Variants in CEP72 observed in about 807,000 individuals in gnomAD.
CEP72 encodes the protein centrosomal protein 72.
CEP72 carries 78 observed loss-of-function variants against 65.7 expected under a neutral mutation model. The observed-to-expected ratio is 1.19, with a 90% CI of 0.99 to 1.43. The LOEUF (loss-of-function observed/expected upper bound fraction) is 1.43. CEP72 is among the 40% of genes most tolerant of loss of function. The probability of loss-of-function intolerance (pLI) is 0.00; values close to 1 mark genes in which losing one functional copy is unlikely to be tolerated. For missense variants in CEP72, 914 were observed against 832.9 expected (o/e 1.10, Z -1.20); for synonymous variants, 358 against 351.7 (o/e 1.02, Z -0.20).
intron 9 of CEP72, chr5:644,090 T>A: frequency 1.8e-6 from 1 of 551,416 alleles, no homozygotes; most frequent in South Asian, 2.1e-5. Flanking sequence ...CTCTCCTCAC[T>A]TCCCCCCTCC....
intron 1 of CEP72, among the ~76,000 whole-genome samples, chr5:618,589 C>T (rs920771724): frequency 6.6e-6 from 1 of 151,896 alleles, no homozygotes; most frequent in Non-Finnish European, 1.5e-5. Context: ...AGCTCAACTC[C>T]AAGTACAGCA....
At chr5:612,818 G>A (rs1360305604) in intron 1 of CEP72, among the ~76,000 whole-genome samples, 1 of 152,248 alleles carries the variant, frequency 6.6e-6, no homozygotes, top group East Asian at 1.9e-4. Context: ...TGATTGTTGC[G>A]CTCGGCCTTC....
intron 1 of CEP72, among the ~76,000 whole-genome samples, chr5:614,613 G>A (rs961502620): frequency 3.3e-5 from 5 of 151,650 alleles, no homozygotes; most frequent in African/African-American, 1.2e-4. Flanking sequence ...CGCCCACCTC[G>A]GCCTCCCAAA....
chr5:671,993 C>A (rs1740239627), downstream of CEP72, among the ~76,000 whole-genome samples: 1 of 152,222 alleles, frequency 6.6e-6, no homozygotes, highest in Non-Finnish European at 1.5e-5. Flanking sequence ...GATGGACAGA[C>A]AGGAGGACGT....
At chr5:669,834 C>T (rs1179436298), downstream of CEP72, among the ~76,000 whole-genome samples, 1 of 152,236 alleles carries the variant, frequency 6.6e-6, no homozygotes, top group Admixed American at 6.5e-5. Flanking sequence ...CTCAGGAGTT[C>T]TAGGACAGCG....
At chr5:615,502 G>A (rs779939655) in intron 1 of CEP72, among the ~76,000 whole-genome samples, 2 of 151,974 alleles carry the variant, frequency 1.3e-5, no homozygotes, top group African/African-American at 2.4e-5. Flanking sequence ...CTGTTGTTAC[G>A]GTAGCTTCTT....
At chr5:639,317 C>T (rs1737843655) in intron 8 of CEP72, 93 bp downstream of exon 8, 1 of 1,398,128 alleles carries the variant, frequency 7.2e-7, no homozygotes, top group South Asian at 1.4e-5. Flanking sequence ...GTCATCTCAG[C>T]CCCAGGTCTC....
At chr5:638,228 A>C (rs1045376079) in intron 7 of CEP72, among the ~76,000 whole-genome samples, 6 of 152,174 alleles carry the variant, frequency 3.9e-5, no homozygotes, top group African/African-American at 1.4e-4. Flanking sequence ...CAAAGCTGGA[A>C]TCGGGCATCT....
At chr5:668,447 C>T (rs538406052), downstream of CEP72, among the ~76,000 whole-genome samples, 120 of 127,912 alleles carry the variant, frequency 9.4e-4, no homozygotes, top group Non-Finnish European at 1.7e-3. Flanking sequence ...CAGGGAAGTG[C>T]GGACAAGCAC....
intron 9 of CEP72, chr5:641,454 C>G: frequency 1.0e-6 from 1 of 985,478 alleles, no homozygotes; most frequent in Non-Finnish European, 1.2e-6. Flanking sequence ...ACTTGTCTGA[C>G]AAGTACATAC....
chr5:653,333 A>G lies in CEP72; in HGVS notation c.*180A>G. On this transcript the variant is annotated 3_prime_UTR_variant, in exon 12 of 12. Coordinates refer to ENST00000264935, the MANE Select transcript of CEP72 (RefSeq NM_018140.4). ...TTGGTTTTCTAAAGCACCTCGTAAA[A>G]TGATATGATTACTCCAAGCCCTCTG... 1 of 542,348 alleles carries G rather than the reference A, an allele frequency of 1.8e-6. No individual in the cohort carries two copies. Among genetic ancestry groups the G allele is most frequent in the Admixed American group, 3.7e-5 (1 of 26,710 alleles). 33.6% of individuals were successfully genotyped at this position (542,348 alleles called of 1,614,324 possible). A position where few individuals can be genotyped will look rare whatever the true frequency, so the allele number is the denominator to read the frequency against.
rs753294407 is a variant in CEP72, at chr5:635,419, G to T, written c.739G>T (p.Asp247Tyr). The T allele has an allele frequency of 1.2e-5, 19 of 1,613,878 alleles. No homozygotes were observed. In the Admixed American group the frequency reaches 3.0e-4, roughly 25 times the overall value. ...GCAGTTGGTACAGTACCAGTGTGGGGACTCTGGGAAGCAGGGCCGTGAGAC... is the reference window on the plus strand; with the variant it reads ...GCAGTTGGTACAGTACCAGTGTGGGTACTCTGGGAAGCAGGGCCGTGAGAC... ...SPQLVQYQCG[D>Y]SGKQGRETRR... is the part of the protein sequence containing the mutation. The change falls in exon 6 of 12, where the codon GAC becomes TAC. Residue 247 changes from aspartate (D) to tyrosine (Y), a missense_variant. By Grantham distance (160) the Asp-to-Tyr change is radical. Transcript: ENST00000264935.
Position 633,771 on chromosome 5 carries a change from C to G in CEP72, c.515C>G (p.Pro172Arg), listed in dbSNP as rs1485654805. Reference protein sequence around the residue: ...SVPASLKEGRPHHPRAKCTEA... With the variant: ...SVPASLKEGRRHHPRAKCTEA... The stretch of plus-strand genomic sequence containing the variant: ...GATGAGTTTGCTTTTCCTTACAGAC[C>G]ACACCACCCCAGAGCCAAGTGCACC... The change falls in exon 5 of 12, where the codon CCA (proline) becomes CGA (arginine). Residue 172 changes from proline (P) to arginine (R), a missense_variant and splice_region_variant. Physicochemically the swap from Pro to Arg is moderately radical, Grantham distance 103. Coordinates refer to ENST00000264935, the MANE Select transcript of CEP72 (RefSeq NM_018140.4). 6.2e-7 allele frequency: 1 copy of G among 1,613,818 alleles called. No homozygotes were observed. Among genetic ancestry groups the G allele is most frequent in the African/African-American group, 1.3e-5 (1 of 74,940 alleles).
chr5:647,667 CATTA>C (rs1219040549), intron 10 of CEP72, 134 bp from the exon 11 acceptor site: 6 of 655,562 alleles, frequency 9.2e-6, no homozygotes, highest in Admixed American at 7.9e-5. Flanking sequence ...CTTTGAGTCT[CATTA>C]ATACTGATCT....
intron 11 of CEP72, among the ~76,000 whole-genome samples, chr5:649,104 G>A (rs1451697479): frequency 6.9e-6 from 1 of 144,374 alleles, no homozygotes; most frequent in African/African-American, 2.6e-5. Context: ...ACTGTGAGGT[G>A]TGGACTGTGA....
rs1738332548 is a variant in CEP72, at chr5:645,185, T to C, written c.1666+760T>C. ...GTTTCAGGGCGTGTGGGTCTCACGA[T>C]GTCTGTCCCAACCAGCGGTGGCCTT... On this transcript the variant is annotated intron_variant, in intron 10 of 11. Transcript: ENST00000264935. The surrounding 1 kb of genome is among the most constrained non-coding windows in gnomAD (Gnocchi z 4.0). 6.6e-6 allele frequency among the ~76,000 whole-genome samples: 1 copy of C among 152,038 alleles called. No individual in the cohort carries two copies. The highest frequency in any genetic ancestry group is 6.5e-5 in the Admixed American group (1 of 15,270).
chr5:671,425 G>A (rs911991220), downstream of CEP72, among the ~76,000 whole-genome samples: 2 of 152,190 alleles, frequency 1.3e-5, no homozygotes, highest in Admixed American at 6.5e-5. Context: ...CTCGGCCTGG[G>A]CAGGGCTTTG....
Position 648,511 on chromosome 5 carries a change from GGACTGTGAGGTGTGACTGTGAGGTGT to G in CEP72, c.1778+623_1778+648del, listed in dbSNP as rs1442106302. Among the ~76,000 whole-genome samples, 179 of 116,508 alleles carry G rather than the reference GGACTGTGAGGTGTGACTGTGAGGTGT, an allele frequency of 1.5e-3. 4 individuals are homozygous for G. The highest frequency in any genetic ancestry group is 6.7e-3 in the African/African-American group (173 of 25,650). The allele number at this position is 116,508 out of a possible 152,430, so 76.4% of individuals were successfully genotyped here. On this transcript the variant is annotated intron_variant, in intron 11 of 11. Coordinates refer to ENST00000264935, the MANE Select transcript of CEP72 (RefSeq NM_018140.4). ...ACTGTGAGGTGTGACTGTGAGGTGT[GGACTGTGAGGTGTGACTGTGAGGTGT>G]GACTGTGAGGTGTGACTGTGAGGTG...
At chr5:638,954 C>T (rs1395342232) in intron 7 of CEP72, 135 bp from the exon 8 acceptor site, 16 of 1,151,154 alleles carry the variant, frequency 1.4e-5, no homozygotes, top group Non-Finnish European at 1.8e-5. Flanking sequence ...CTCCACCTGG[C>T]TCAGGGCTGG....
Sources: gnomAD v4.1 joint callset for allele counts (sites outside exome capture counted in the v4.1 genomes callset) on GRCh38, gnomAD v4.1.1 for gene constraint, Gnocchi (gnomAD v3.1) non-coding constraint, MANE v1.5 for transcripts, NCBI Gene and HGNC (gene_info 2026-07-23, HGNC 2026-07-21) for gene names.